The following SDHA variants were observed in gnomAD, a reference collection of about 807,000 sequenced individuals.
SDHA encodes the protein succinate dehydrogenase complex flavoprotein subunit A, also known as succinate dehydrogenase [ubiquinone] flavoprotein subunit, mitochondrial.
A neutral mutation model predicts 78.4 loss-of-function variants in SDHA; 48 were observed. That is an observed-to-expected ratio of 0.61 (90% CI 0.49 to 0.78). The LOEUF is 0.78. Among genes scored for constraint, SDHA ranks in the 30% least tolerant of loss-of-function variants. SDHA has a pLI of 0.00. For missense variants in SDHA, 680 were observed against 892.7 expected (o/e 0.76, Z 3.04); for synonymous variants, 326 against 353.9 (o/e 0.92, Z 0.88).
chr5:240,687 G>A lies in SDHA; in HGVS notation c.1551+211G>A, dbSNP rs376729561. ...GTAATTGTTCAACCCCACCCCTCCC[G>A]CTTTTTGGAGCTCCCAGTCTCTGCT... is the stretch of plus-strand genomic sequence containing the variant. On this transcript the variant is annotated intron_variant, in intron 11 of 14. Coordinates refer to ENST00000264932, the MANE Select transcript of SDHA (RefSeq NM_004168.4). Among the ~76,000 whole-genome samples, 25 of 151,530 alleles carry A rather than the reference G, an allele frequency of 1.6e-4. No homozygotes were observed. In the South Asian group the frequency reaches 4.2e-3, roughly 25 times the overall value.
intron 3 of SDHA, 87 bp downstream of exon 3, chr5:224,608 T>TC: frequency 7.2e-7 from 1 of 1,390,142 alleles, no homozygotes; most frequent in Non-Finnish European, 1.0e-6. Context: ...CCCTGCCTCC[T>TC]CCCCCTGCTC....
intron 1 of SDHA, among the ~76,000 whole-genome samples, chr5:221,903 G>C (rs80110752): frequency 6.6e-6 from 1 of 152,030 alleles, no homozygotes; most frequent in Admixed American, 6.6e-5. Flanking sequence ...TGTGTGTGGT[G>C]GGGGGTGGGC....
At chr5:236,392 A>G (rs753476453) in intron 9 of SDHA, 36 bp from the exon 10 acceptor site, 1 of 1,607,350 alleles carries the variant, frequency 6.2e-7, no homozygotes, top group African/African-American at 1.3e-5. Context: ...AGGCATGGGC[A>G]CCTTGACATT....
intron 14 of SDHA, among the ~76,000 whole-genome samples, chr5:255,862 G>T (rs1308922144): frequency 5.9e-5 from 9 of 152,196 alleles, no homozygotes; most frequent in African/African-American, 2.2e-4. Context: ...TTTCCTGTGT[G>T]TGCATATTTA....
intron 6 of SDHA, among the ~76,000 whole-genome samples, chr5:230,193 A>C (rs933269295): frequency 8.7e-5 from 12 of 137,736 alleles, no homozygotes; most frequent in African/African-American, 6.8e-5. Flanking sequence ...TACACCATAA[A>C]TATATAGTTT....
At chr5:223,847 T>C (rs1041951567) in intron 2 of SDHA, among the ~76,000 whole-genome samples, 5 of 152,188 alleles carry the variant, frequency 3.3e-5, no homozygotes, top group African/African-American at 1.2e-4. Flanking sequence ...GAACAGTGTC[T>C]GCTGTGATAG....
chr5:221,591 G>T (rs1405330238), intron 1 of SDHA, among the ~76,000 whole-genome samples: 1 of 152,036 alleles, frequency 6.6e-6, no homozygotes, highest in Non-Finnish European at 1.5e-5. Context: ...ATTCTGTATT[G>T]TTAAGCAAGG....
chr5:224,975 ACT>A (rs1296791297), intron 3 of SDHA: 1 of 326,520 alleles, frequency 3.1e-6, no homozygotes, highest in African/African-American at 2.1e-5. Flanking sequence ...GGGGAGTGCG[ACT>A]CTGAGTGTGG....
chr5:257,087 G>T (rs1737255079), downstream of SDHA, among the ~76,000 whole-genome samples: 1 of 152,210 alleles, frequency 6.6e-6, no homozygotes, highest in African/African-American at 2.4e-5. Context: ...AAACCACCAT[G>T]CCTGGCCTTG....
chr5:257,417 A>ACTC (rs111640007), downstream of SDHA, among the ~76,000 whole-genome samples: 23,220 of 114,360 alleles, frequency 0.2, 5,350 homozygotes, highest in African/African-American at 0.55. Flanking sequence ...TACTCTGTGA[A>ACTC]CACCACCTGT....
chr5:243,567 A>C (rs767277472), intron 11 of SDHA, among the ~76,000 whole-genome samples: 18 of 152,258 alleles, frequency 1.2e-4, no homozygotes, highest in Admixed American at 7.2e-4. Flanking sequence ...CTTGGGAAAA[A>C]ATCACTTCAG....
the SDHA span, among the ~76,000 whole-genome samples, chr5:266,261 T>G: frequency 6.6e-6 from 1 of 152,332 alleles, no homozygotes; most frequent in South Asian, 2.1e-4. Flanking sequence ...AGTATTAATA[T>G]GGGCGTTTGA....
Position 224,539 on chromosome 5 carries a change from C to T in SDHA, c.312+18C>T. On this transcript the variant is annotated intron_variant, in intron 3 of 14. Transcript: ENST00000264932. Reference sequence around the variant, plus strand: ...CAGCACAGGTAAGAGAAAGGTGCCCCACTGTGCTCCCACTCCGTGCAGGTC... The same window carrying T: ...CAGCACAGGTAAGAGAAAGGTGCCCTACTGTGCTCCCACTCCGTGCAGGTC... The T allele has an allele frequency of 6.2e-7, 1 of 1,611,214 alleles. No individual in the cohort carries two copies. The highest frequency in any genetic ancestry group is 8.5e-7 in the Non-Finnish European group (1 of 1,179,204).
intron 3 of SDHA, among the ~76,000 whole-genome samples, chr5:225,002 C>A (rs1251902693): frequency 1.3e-5 from 2 of 152,150 alleles, no homozygotes; most frequent in African/African-American, 2.4e-5. Context: ...TATTACTTGG[C>A]AGGAAGCACT....
chr5:264,937 G>T, the SDHA span, among the ~76,000 whole-genome samples: 34,814 of 150,826 alleles, frequency 0.23, 5,732 homozygotes, highest in African/African-American at 0.5. Context: ...GCCAGGTGCG[G>T]TGGCTCACAC....
At chr5:262,942 GT>G in the SDHA span, among the ~76,000 whole-genome samples, 11 of 150,464 alleles carry the variant, frequency 7.3e-5, no homozygotes, top group Non-Finnish European at 1.0e-4. Flanking sequence ...TTAATTTTTT[GT>G]TTTTTTTCTT....
intron 6 of SDHA, among the ~76,000 whole-genome samples, chr5:230,323 C>G (rs1174432669): frequency 6.6e-6 from 1 of 151,972 alleles, no homozygotes; most frequent in Non-Finnish European, 1.5e-5. Flanking sequence ...TTGAACAGCA[C>G]AAAGCTAAAA....
intron 11 of SDHA, among the ~76,000 whole-genome samples, chr5:246,854 A>C (rs1736498936): frequency 6.6e-6 from 1 of 152,248 alleles, no homozygotes; most frequent in Non-Finnish European, 1.5e-5. Context: ...TGGATTGTTA[A>C]ATTACATGGA....
chr5:234,370 G>A (rs1311215581), intron 8 of SDHA: 2 of 130,820 alleles, frequency 1.5e-5, no homozygotes, highest in Non-Finnish European at 3.1e-5. Context: ...AGTGAGCTGA[G>A]ATCACACCAC....
Sources: gnomAD v4.1 joint callset for allele counts (sites outside exome capture counted in the v4.1 genomes callset) on GRCh38, gnomAD v4.1.1 for gene constraint, MANE v1.5 for transcripts, NCBI Gene and HGNC (gene_info 2026-07-23, HGNC 2026-07-21) for gene names.